UBAC2: variants seen among roughly 807,000 people sequenced by gnomAD.
UBAC2 encodes the protein ubiquitin-associated domain-containing protein 2.
A neutral mutation model predicts 44.0 loss-of-function variants in UBAC2; 26 were observed. The ratio of observed to expected loss-of-function variants is 0.59; its 90% CI spans 0.43 to 0.82. UBAC2 has a LOEUF of 0.82. UBAC2 is among the 40% of genes least tolerant of loss of function. The probability of loss-of-function intolerance (pLI) is 0.00; values close to 1 mark genes in which losing one functional copy is unlikely to be tolerated. For missense variants in UBAC2, 329 were observed against 419.4 expected (o/e 0.78, Z 1.88); for synonymous variants, 155 against 154.3 (o/e 1.00, Z -0.04).
intron 1 of UBAC2, among the ~76,000 whole-genome samples, chr13:99,206,417 CG>C (rs1440503189): frequency 6.6e-6 from 1 of 152,196 alleles, no homozygotes; most frequent in Non-Finnish European, 1.5e-5. Context: ...CCTAGTCCAG[CG>C]GATGGATGTG....
intron 4 of UBAC2, among the ~76,000 whole-genome samples, chr13:99,310,750 A>AT (rs1034643525): frequency 4.6e-5 from 7 of 152,040 alleles, no homozygotes; most frequent in African/African-American, 1.7e-4. Context: ...TTCTACCAGT[A>AT]TTTTTTTTAG....
At chr13:99,348,854 A>AT (rs888041483) in intron 7 of UBAC2, among the ~76,000 whole-genome samples, 7 of 152,184 alleles carry the variant, frequency 4.6e-5, no homozygotes, top group Admixed American at 3.9e-4. Flanking sequence ...CTACAAAAAA[A>AT]TTTTTTAAAT....
chr13:99,365,677 A>G (rs1326642040), intron 7 of UBAC2, among the ~76,000 whole-genome samples: 2 of 152,214 alleles, frequency 1.3e-5, no homozygotes, highest in Non-Finnish European at 2.9e-5. Context: ...TATAGGATCT[A>G]GTACACAATT....
At chr13:99,259,025 C>A (rs2138637838) in intron 4 of UBAC2, among the ~76,000 whole-genome samples, 1 of 152,248 alleles carries the variant, frequency 6.6e-6, no homozygotes, top group East Asian at 1.9e-4. Flanking sequence ...GAAATAATTT[C>A]TTTTGCATAA....
intron 1 of UBAC2, among the ~76,000 whole-genome samples, chr13:99,212,178 C>A (rs1458754941): frequency 6.6e-6 from 1 of 152,156 alleles, no homozygotes; most frequent in African/African-American, 2.4e-5. Context: ...ACCTATCTTA[C>A]ATCAAGCAAT....
chr13:99,360,937 C>T (rs1268444730), intron 7 of UBAC2, among the ~76,000 whole-genome samples: 2 of 152,144 alleles, frequency 1.3e-5, no homozygotes. Context: ...CTCCTGTGGA[C>T]GCTCGAGTGC....
At chr13:99,215,560 G>T in intron 1 of UBAC2, 1 of 1,439,450 alleles carries the variant, frequency 6.9e-7, no homozygotes. Context: ...GCCAGTTCAA[G>T]TCCCTCTGCG....
chr13:99,366,583 C>T (rs1194347919), intron 7 of UBAC2, among the ~76,000 whole-genome samples: 3 of 152,040 alleles, frequency 2.0e-5, no homozygotes, highest in Non-Finnish European at 4.4e-5. Flanking sequence ...TCAGGCAGGA[C>T]CAAGATTCCT....
At chr13:99,220,093 CATGTCATA>C (rs1374346948) in intron 1 of UBAC2, among the ~76,000 whole-genome samples, 1 of 152,104 alleles carries the variant, frequency 6.6e-6, no homozygotes, top group Non-Finnish European at 1.5e-5. Context: ...ATTGCTAGGT[CATGTCATA>C]ATTCTGTGCT....
chr13:99,283,739 TTTTTTTTTTTTTTG>T (rs2043983249), intron 4 of UBAC2, among the ~76,000 whole-genome samples: 2 of 117,780 alleles, frequency 1.7e-5, no homozygotes, highest in African/African-American at 7.5e-5. Context: ...TTTTTTTTTT[TTTTTTTTTTTTTTG>T]AGACTGAGTC....
chr13:99,211,635 G>C (rs1434446711), intron 1 of UBAC2, among the ~76,000 whole-genome samples: 1 of 152,212 alleles, frequency 6.6e-6, no homozygotes, highest in Non-Finnish European at 1.5e-5. Flanking sequence ...CAGATGAGGA[G>C]ACTGAGGCAC....
intron 1 of UBAC2, among the ~76,000 whole-genome samples, chr13:99,229,698 T>C (rs564803752): frequency 1.9e-4 from 29 of 152,182 alleles, no homozygotes; most frequent in Non-Finnish European, 3.2e-4. Flanking sequence ...TAATAATCAA[T>C]GGGGAAAATT....
intron 8 of UBAC2, among the ~76,000 whole-genome samples, chr13:99,375,427 A>G (rs1442290212): frequency 6.6e-6 from 1 of 152,158 alleles, no homozygotes; most frequent in Non-Finnish European, 1.5e-5. Context: ...GCCAGTTGCT[A>G]TGACAGCAGT....
rs1168275951 is a variant in UBAC2, at chr13:99,285,044, C to T, written c.390-29053C>T. ...TTTTAAAAGTATTTTGAAGCAATTT[C>T]CAGACATCATAATATCATATTTCAT... On this transcript the variant is annotated intron_variant, in intron 4 of 8. Transcript: ENST00000403766. Among the ~76,000 whole-genome samples the T allele has an allele frequency of 2.6e-5, 4 of 152,126 alleles. No homozygotes were observed. The East Asian group carries it at 7.7e-4, about 29-fold the overall frequency.
chr13:99,310,193 G>A (rs1297541813), intron 4 of UBAC2, among the ~76,000 whole-genome samples: 1 of 152,162 alleles, frequency 6.6e-6, no homozygotes. Flanking sequence ...CAGGTGTGGT[G>A]GCACACACCA....
chr13:99,326,414 G>T (rs2044641571), intron 6 of UBAC2, among the ~76,000 whole-genome samples: 1 of 152,042 alleles, frequency 6.6e-6, no homozygotes, highest in Non-Finnish European at 1.5e-5. Context: ...TTGAATTGTA[G>T]GAGAGTCCTT....
intron 8 of UBAC2, among the ~76,000 whole-genome samples, chr13:99,381,547 A>G (rs2045552226): frequency 6.6e-6 from 1 of 152,200 alleles, no homozygotes; most frequent in African/African-American, 2.4e-5. Flanking sequence ...CCATGGCATC[A>G]TGGTGGTGGA....
intron 8 of UBAC2, among the ~76,000 whole-genome samples, chr13:99,378,728 G>A (rs1047330852): frequency 2.0e-5 from 3 of 152,232 alleles, no homozygotes; most frequent in Non-Finnish European, 4.4e-5. Flanking sequence ...TTGCATAGCT[G>A]TGTTCTCAGT....
At chr13:99,352,303 AC>A (rs1444394317) in intron 7 of UBAC2, among the ~76,000 whole-genome samples, 1 of 151,948 alleles carries the variant, frequency 6.6e-6, no homozygotes, top group Non-Finnish European at 1.5e-5. Flanking sequence ...ATTTTTCATC[AC>A]CCCAAAAGAA....
Sources: gnomAD v4.1 joint callset for allele counts (sites outside exome capture counted in the v4.1 genomes callset) on GRCh38, gnomAD v4.1.1 for gene constraint, MANE v1.5 for transcripts, NCBI Gene and HGNC (gene_info 2026-07-23, HGNC 2026-07-21) for gene names.